The following HTRA4 variants were observed in gnomAD, a reference collection of about 807,000 sequenced individuals.
HTRA4 encodes the protein HtrA serine peptidase 4.
In HTRA4, 46 loss-of-function variants were observed where a neutral mutation model predicts 49.1. That is an observed-to-expected ratio of 0.94 (90% CI 0.74 to 1.20). The LOEUF (loss-of-function observed/expected upper bound fraction) is 1.20. Ranked by LOEUF, HTRA4 falls within the 50% of genes most tolerant of loss-of-function variation. The pLI, the probability that HTRA4 is intolerant of heterozygous loss-of-function variation, is 0.00. For synonymous variants in HTRA4, 261 were observed against 264.0 expected, an observed-to-expected ratio of 0.99 and a Z score of 0.11; for missense variants, 602 against 636.9, an observed-to-expected ratio of 0.95 and a Z score of 0.59.
chr8:38,977,852 G>A (rs1835371344), intron 3 of HTRA4, 101 bp from the exon 4 acceptor site: 2 of 1,224,346 alleles, frequency 1.6e-6, no homozygotes, highest in Non-Finnish European at 2.3e-6. Flanking sequence ...AGGTGATAGA[G>A]ACAGCGTCAT....
intron 8 of HTRA4, among the ~76,000 whole-genome samples, chr8:38,985,155 G>A (rs1835468987): frequency 7.5e-6 from 1 of 133,812 alleles, no homozygotes; most frequent in African/African-American, 2.7e-5. Context: ...CTTTTCTGTT[G>A]TACTTCTTTT....
At chr8:38,987,283 CT>C (rs1835493292) in intron 8 of HTRA4, among the ~76,000 whole-genome samples, 1 of 152,124 alleles carries the variant, frequency 6.6e-6, no homozygotes, top group Non-Finnish European at 1.5e-5. Flanking sequence ...CTGGTTTTTG[CT>C]TCTAGAATAT....
At chr8:38,976,477 A>C in intron 2 of HTRA4, 58 bp from the exon 3 acceptor site, 1 of 1,488,618 alleles carries the variant, frequency 6.7e-7, no homozygotes, top group Non-Finnish European at 9.4e-7. Context: ...CTCAGATTAT[A>C]TGGCTGTATC....
intron 2 of HTRA4, 116 bp downstream of exon 2, chr8:38,975,246 A>G (rs757191540): frequency 6.8e-6 from 7 of 1,036,848 alleles, no homozygotes; most frequent in South Asian, 1.3e-5. Context: ...GGAAACTGAG[A>G]CGTAAAGAGG....
intron 8 of HTRA4, among the ~76,000 whole-genome samples, chr8:38,985,871 A>G (rs1835477670): frequency 6.6e-6 from 1 of 152,228 alleles, no homozygotes; most frequent in Non-Finnish European, 1.5e-5. Flanking sequence ...GTATGTTAAA[A>G]TGTGAAAATT....
At chr8:38,976,415 A>T in intron 2 of HTRA4, 120 bp from the exon 3 acceptor site, 1 of 964,782 alleles carries the variant, frequency 1.0e-6, no homozygotes, top group Non-Finnish European at 1.6e-6. Context: ...AAAAAAGAAA[A>T]GAAAAGAAAA....
chr8:38,982,346 C>G (rs1387601282), intron 6 of HTRA4, 152 bp from the exon 7 acceptor site: 1 of 646,738 alleles, frequency 1.5e-6, no homozygotes, highest in Middle Eastern at 2.6e-4. Context: ...AGTGTAAGTG[C>G]TAATGACAAA....
chr8:38,974,934 C>A, intron 1 of HTRA4, 97 bp from the exon 2 acceptor site: 1 of 1,436,162 alleles, frequency 7.0e-7, no homozygotes, highest in Non-Finnish European at 9.7e-7. Flanking sequence ...CCTCCCCATG[C>A]ACCTTTTGAA....
At position 38,988,620 on chromosome 8, in the gene HTRA4, A is replaced by T. The variant is rs1396949845; in HGVS notation, c.*522A>T. 2 of 152,140 alleles carry T rather than the reference A, an allele frequency of 1.3e-5. No individual in the cohort carries two copies. The highest frequency in any genetic ancestry group is 3.8e-4 in the East Asian group (2 of 5,204). 9.4% of individuals were successfully genotyped at this position (152,140 alleles called of 1,614,324 possible). A position where few individuals can be genotyped will look rare whatever the true frequency, so the allele number is the denominator to read the frequency against. On this transcript the variant is annotated 3_prime_UTR_variant, in exon 9 of 9. Coordinates refer to ENST00000302495, the MANE Select transcript of HTRA4 (RefSeq NM_153692.4). ...TATGAAACAAACCTGCACATCCTGC[A>T]TATGTACCTCAGAACTTAAAAATAA... is the stretch of plus-strand genomic sequence containing the variant.
intron 2 of HTRA4, 46 bp downstream of exon 2, chr8:38,975,176 C>T (rs778887088): frequency 3.8e-6 from 6 of 1,576,122 alleles, no homozygotes; most frequent in Non-Finnish European, 5.2e-6. Flanking sequence ...CTAATGGTTT[C>T]TGCGTGCCTA....
At chr8:38,985,203 C>G (rs1041250981) in intron 8 of HTRA4, among the ~76,000 whole-genome samples, 1 of 148,088 alleles carries the variant, frequency 6.8e-6, no homozygotes, top group Admixed American at 6.9e-5. Context: ...GCTCTGTCAC[C>G]AGGCTGGAGT....
At position 38,975,067 on chromosome 8, in the gene HTRA4, ACTT is replaced by A. The variant is rs1238266276; in HGVS notation, c.505_507del (p.Phe169del). The A allele has an allele frequency of 2.5e-6, 4 of 1,613,904 alleles. No individual in the cohort carries two copies. The highest frequency in any genetic ancestry group is 3.4e-6 in the Non-Finnish European group (4 of 1,180,038). ...GCAGGCCCGCTCAGGAGGAATTACA[ACTT>A]CATCGCCGCGGTGGTGGAGAAGGTG... On this transcript the variant is annotated inframe_deletion, in exon 2 of 9. Coordinates refer to ENST00000302495, the MANE Select transcript of HTRA4 (RefSeq NM_153692.4).
In HTRA4 at chr8:38,976,697, T is replaced by G; in HGVS notation, c.729T>G (p.Ile243Met). The change falls in exon 3 of 9, where the codon ATT becomes ATG. Residue 243 changes from isoleucine to methionine, a missense_variant. Transcript: ENST00000302495. ...GTTATGAAGCTGTTGTCAAGGATAT[T>G]GACCTTAAATTGGATCTTGCGGTGA... is the stretch of plus-strand genomic sequence containing the variant. ...GARYEAVVKD[I>M]DLKLDLAVIK... The G allele has an allele frequency of 1.9e-6, 3 of 1,614,204 alleles. No individual in the cohort carries two copies. The highest frequency in any genetic ancestry group is 2.5e-6 in the Non-Finnish European group (3 of 1,180,034).
chr8:38,988,178 C>G lies in HTRA4; in HGVS notation c.*80C>G. The G allele has an allele frequency of 7.7e-7, 1 of 1,293,498 alleles. No individual in the cohort carries two copies. Among genetic ancestry groups the G allele is most frequent in the South Asian group, 1.6e-5 (1 of 61,858 alleles). The allele number at this position is 1,293,498 out of a possible 1,614,324, so 80.1% of individuals were successfully genotyped here. A position where few individuals can be genotyped will look rare whatever the true frequency, so the allele number is the denominator to read the frequency against. On this transcript the variant is annotated 3_prime_UTR_variant, in exon 9 of 9. Coordinates refer to ENST00000302495, the MANE Select transcript of HTRA4 (RefSeq NM_153692.4). ...TGGTTTGTATTGGAGATGTGCCAAACATGGCAAGAAGTTTTTGGATCTTTT... is the reference window on the plus strand; with the variant it reads ...TGGTTTGTATTGGAGATGTGCCAAAGATGGCAAGAAGTTTTTGGATCTTTT...
chr8:38,984,335 G>A (rs1056511822), intron 8 of HTRA4, among the ~76,000 whole-genome samples: 4 of 151,836 alleles, frequency 2.6e-5, no homozygotes, highest in South Asian at 2.1e-4. Flanking sequence ...TTTTTCGGCT[G>A]GGCATGTTGG....
At chr8:38,981,127 C>T (rs1374993467) in intron 5 of HTRA4, among the ~76,000 whole-genome samples, 1 of 133,176 alleles carries the variant, frequency 7.5e-6, no homozygotes, top group Non-Finnish European at 1.6e-5. Flanking sequence ...TCGCCCAGGC[C>T]GGAGTGCAGT....
chr8:38,984,373 G>A (rs1417959434), intron 8 of HTRA4, among the ~76,000 whole-genome samples: 1 of 151,942 alleles, frequency 6.6e-6, no homozygotes, highest in African/African-American at 2.4e-5. Context: ...AGCACTTTGG[G>A]AGGCTGAGGT....
intron 1 of HTRA4, 98 bp downstream of exon 1, chr8:38,974,827 C>G: frequency 8.0e-7 from 1 of 1,247,262 alleles, no homozygotes; most frequent in East Asian, 2.5e-5. Flanking sequence ...GCGCCTGGTC[C>G]TCCTGCGTCA....
chr8:38,982,287 T>A (rs1430915677), intron 6 of HTRA4, among the ~76,000 whole-genome samples: 1 of 152,078 alleles, frequency 6.6e-6, no homozygotes. Context: ...TGGATTGAGC[T>A]AATGTGGAAA....
Sources: allele counts gnomAD v4.1 joint callset (sites outside exome capture counted in the v4.1 genomes callset), GRCh38; gene constraint gnomAD v4.1.1; transcripts MANE v1.5; gene names NCBI Gene and HGNC (gene_info 2026-07-23, HGNC 2026-07-21).